The following BLNK variants were observed in gnomAD, a reference collection of about 807,000 sequenced individuals.
The protein encoded by BLNK is B-cell linker protein.
BLNK carries 29 observed loss-of-function variants against 73.5 expected under a neutral mutation model. The observed-to-expected ratio is 0.39, with a 90% CI of 0.29 to 0.54. The LOEUF is 0.54. BLNK is among the 20% of genes least tolerant of loss of function. BLNK has a pLI of 0.61. For missense variants in BLNK, 460 were observed against 562.8 expected, an observed-to-expected ratio of 0.82 and a Z score of 1.85; for synonymous variants, 176 against 200.8, an observed-to-expected ratio of 0.88 and a Z score of 1.04.
Position 96,190,086 on chromosome 10 carries a change from T to A in BLNK, c.*1887A>T. The A allele has an allele frequency of 1.1e-6, 1 of 886,462 alleles. No homozygotes were observed. The highest frequency in any genetic ancestry group is 1.9e-6 in the Non-Finnish European group (1 of 531,430). 54.9% of individuals were successfully genotyped at this position (886,462 alleles called of 1,614,324 possible). A position where few individuals can be genotyped will look rare whatever the true frequency, so the allele number is the denominator to read the frequency against. On this transcript the variant is annotated 3_prime_UTR_variant, in exon 17 of 17. Coordinates refer to ENST00000224337, the MANE Select transcript of BLNK (RefSeq NM_013314.4). Reference sequence around the variant, plus strand: ...TTGCACCAGCCCCTAAACTGACCGTTCTTAAGGATAACTGGTGCTCATTTT... The same window carrying A: ...TTGCACCAGCCCCTAAACTGACCGTACTTAAGGATAACTGGTGCTCATTTT...
intron 16 of BLNK, among the ~76,000 whole-genome samples, chr10:96,194,890 C>T (rs1003057082): frequency 4.0e-5 from 6 of 150,740 alleles, no homozygotes; most frequent in African/African-American, 1.5e-4. Flanking sequence ...CCTGCCTCAG[C>T]CTCCTGTGTA....
intron 16 of BLNK, among the ~76,000 whole-genome samples, chr10:96,194,840 G>T (rs1200542471): frequency 7.0e-6 from 1 of 142,248 alleles, no homozygotes; most frequent in Admixed American, 7.5e-5. Context: ...GCGCGATCTC[G>T]ACTCACTGCA....
At chr10:96,252,121 G>A (rs4917729) in intron 1 of BLNK, among the ~76,000 whole-genome samples, 45,499 of 151,928 alleles carry the variant, frequency 0.3, 8,264 homozygotes, top group Middle Eastern at 0.38. Flanking sequence ...GCGTGATCTC[G>A]GCTCACTGCA....
chr10:96,223,841 G>A lies in BLNK; in HGVS notation c.510C>T (p.Gly170=). Residue 170 remains glycine, a synonymous_variant, in exon 6 of 17, where the codon GGC becomes GGT. Coordinates refer to ENST00000224337, the MANE Select transcript of BLNK (RefSeq NM_013314.4). The part of the protein sequence containing the change: ...QKPQVPPKPK[G]LLEDEADYVV... The stretch of plus-strand genomic sequence containing the variant: ...TTTACTTTACCTCATCCTCAAGGAG[G>A]CCTTTGGGTTTGGGTGGGACTTGAG... 1 of 1,613,882 alleles carries A rather than the reference G, an allele frequency of 6.2e-7. No homozygotes were observed. The highest frequency in any genetic ancestry group is 8.5e-7 in the Non-Finnish European group (1 of 1,180,038).
chr10:96,248,903 A>G (rs1388497210), intron 1 of BLNK, among the ~76,000 whole-genome samples: 2 of 152,254 alleles, frequency 1.3e-5, no homozygotes, highest in Non-Finnish European at 2.9e-5. Flanking sequence ...TTTTTATAGC[A>G]TGTGTAGATA....
chr10:96,235,114 A>G (rs926687525), intron 3 of BLNK, among the ~76,000 whole-genome samples: 2 of 152,222 alleles, frequency 1.3e-5, no homozygotes, highest in Non-Finnish European at 1.5e-5. Context: ...AGATGTGAGA[A>G]TGGCCACAGC....
chr10:96,227,714 G>A (rs900452435), intron 4 of BLNK, 148 bp from the exon 5 acceptor site: 115 of 1,234,310 alleles, frequency 9.3e-5, no homozygotes, highest in Non-Finnish European at 1.2e-4. Flanking sequence ...CCGATAAGAG[G>A]CAAAGCTGGG....
intron 12 of BLNK, 25 bp from the exon 13 acceptor site, chr10:96,204,113 T>G: frequency 6.2e-7 from 1 of 1,613,384 alleles, no homozygotes; most frequent in Non-Finnish European, 8.5e-7. Flanking sequence ...TTCAGATAAT[T>G]AAAGGACAAA....
intron 1 of BLNK, among the ~76,000 whole-genome samples, chr10:96,253,765 C>T (rs1459750978): frequency 1.3e-5 from 2 of 151,948 alleles, no homozygotes; most frequent in Admixed American, 1.3e-4. Context: ...CCTGTAATCC[C>T]AGCACTTTGG....
rs147112571 is a variant in BLNK at position 96,221,949 on chromosome 10, G to C, written c.525+1877C>G. Among the ~76,000 whole-genome samples, 506 of 152,358 alleles carry C rather than the reference G, an allele frequency of 3.3e-3. 5 individuals are homozygous for C. Among genetic ancestry groups the C allele is most frequent in the African/African-American group, 0.011 (476 of 41,578 alleles). On this transcript the variant is annotated intron_variant, in intron 6 of 16. Transcript: ENST00000224337. ...GAGACCAGGATTCACAGCTGAGAGA[G>C]AGGGGGATGCCCTGGGGCCCAGTTG... is the stretch of plus-strand genomic sequence containing the variant.
At position 96,265,395 on chromosome 10, in the gene BLNK, A is replaced by G. The variant is rs149126042; in HGVS notation, c.47+5957T>C. Among the ~76,000 whole-genome samples the G allele has an allele frequency of 7.4e-3, 1,120 of 152,318 alleles. 15 individuals carry two copies. Among genetic ancestry groups the G allele is most frequent in the African/African-American group, 0.026 (1,064 of 41,562 alleles). ...AAGAATTTCCACTCAAGATTTGCTC[A>G]GTCTACTTGAAGAAGTAGAAACAGA... On this transcript the variant is annotated intron_variant, in intron 1 of 16. Coordinates refer to ENST00000224337, the MANE Select transcript of BLNK (RefSeq NM_013314.4).
intron 3 of BLNK, among the ~76,000 whole-genome samples, chr10:96,231,789 T>C (rs587621362): frequency 9.4e-5 from 14 of 148,448 alleles, no homozygotes; most frequent in Admixed American, 8.7e-4. Context: ...CTAGAGCAGA[T>C]AAGTCACATG....
At chr10:96,194,829 G>T (rs1366913095) in intron 16 of BLNK, among the ~76,000 whole-genome samples, 1 of 139,602 alleles carries the variant, frequency 7.2e-6, no homozygotes, top group African/African-American at 2.7e-5. Context: ...GGAGTGCAGT[G>T]GCGCGATCTC....
chr10:96,246,693 G>A (rs1843057938), intron 2 of BLNK, among the ~76,000 whole-genome samples: 1 of 152,182 alleles, frequency 6.6e-6, no homozygotes, highest in Non-Finnish European at 1.5e-5. Context: ...TAGCTAAATG[G>A]TTATAGAAAT....
intron 13 of BLNK, chr10:96,203,424 T>G (rs2083704391): frequency 1.3e-5 from 2 of 152,212 alleles, no homozygotes. Context: ...TTAAATGGAT[T>G]TAAGCTTTAT....
intron 15 of BLNK, among the ~76,000 whole-genome samples, chr10:96,198,957 C>T (rs1287666067): frequency 1.3e-5 from 2 of 152,196 alleles, no homozygotes; most frequent in Non-Finnish European, 2.9e-5. Context: ...CCTCGGCCCC[C>T]CAAAGTGCTA....
intron 1 of BLNK, 37 bp downstream of exon 1, chr10:96,271,315 G>A (rs1554915663): frequency 1.9e-6 from 3 of 1,606,820 alleles, no homozygotes; most frequent in South Asian, 1.1e-5. Context: ...GGGAAAAAAA[G>A]GAGATGAAGA....
intron 1 of BLNK, among the ~76,000 whole-genome samples, chr10:96,260,578 G>A (rs369447963): frequency 1.3e-5 from 2 of 152,130 alleles, no homozygotes; most frequent in Admixed American, 6.5e-5. Flanking sequence ...TATATATATA[G>A]TATTGTCATC....
intron 1 of BLNK, among the ~76,000 whole-genome samples, chr10:96,252,168 C>T (rs1056158343): frequency 1.3e-5 from 2 of 152,178 alleles, no homozygotes; most frequent in South Asian, 4.1e-4. Context: ...TCTCCTGCCT[C>T]AGCCTCCCGA....
Sources: gnomAD v4.1 joint callset for allele counts (sites outside exome capture counted in the v4.1 genomes callset) on GRCh38, gnomAD v4.1.1 for gene constraint, MANE v1.5 for transcripts, NCBI Gene and HGNC (gene_info 2026-07-23, HGNC 2026-07-21) for gene names.